DCC: variants seen among roughly 807,000 people sequenced by gnomAD.
DCC encodes netrin receptor DCC.
DCC carries 58 observed loss-of-function variants against 172.5 expected under a neutral mutation model. The observed-to-expected ratio is 0.34, with a 90% confidence interval of 0.27 to 0.42. The LOEUF (loss-of-function observed/expected upper bound fraction) is 0.42, where lower values mean the gene tolerates loss of function less well. Ranked by LOEUF, DCC falls within the 10% of genes least tolerant of loss-of-function variation. The pLI is 1.00. For synonymous variants in DCC, 709 were observed against 644.5 expected (o/e 1.10, Z -1.52); for missense variants, 1,740 against 1,791.0 (o/e 0.97, Z 0.51).
chr18:52,810,481 G>A lies in DCC; in HGVS notation c.412+58107G>A, dbSNP rs2038174971. On this transcript the variant is annotated intron_variant, in intron 2 of 28. Coordinates refer to ENST00000442544, the MANE Select transcript of DCC (RefSeq NM_005215.4). ...GAACAATAAGGATGTGCTGTATATT[G>A]AACGGTGAGGAGGGCAAAGAAGAAT... Among the ~76,000 whole-genome samples the A allele has an allele frequency of 2.0e-5, 3 of 152,302 alleles. No homozygotes were observed. The East Asian group carries it at 5.8e-4, about 29-fold the overall frequency.
At chr18:52,491,206 T>C (rs1475727066) in intron 1 of DCC, among the ~76,000 whole-genome samples, 1 of 152,076 alleles carries the variant, frequency 6.6e-6, no homozygotes, top group Non-Finnish European at 1.5e-5. Context: ...ACACCTGCAA[T>C]ATGTTGTATG....
intron 1 of DCC, among the ~76,000 whole-genome samples, chr18:52,394,478 C>A (rs1169588503): frequency 6.6e-6 from 1 of 151,240 alleles, no homozygotes; most frequent in Non-Finnish European, 1.5e-5. Flanking sequence ...GGTCTTGCTA[C>A]AGTGCCTGGC....
chr18:52,422,981 G>T (rs928535211), intron 1 of DCC, among the ~76,000 whole-genome samples: 5 of 152,124 alleles, frequency 3.3e-5, no homozygotes, highest in Non-Finnish European at 7.4e-5. Flanking sequence ...GACAGAATTG[G>T]ATTAGCCACT....
intron 1 of DCC, among the ~76,000 whole-genome samples, chr18:52,706,279 G>T (rs1377526786): frequency 6.6e-6 from 1 of 152,200 alleles, no homozygotes; most frequent in Admixed American, 6.5e-5. Flanking sequence ...TTCTGGGTCA[G>T]TCCCTATAGC....
chr18:53,470,719 G>A (rs2045684940), intron 25 of DCC, among the ~76,000 whole-genome samples: 1 of 151,780 alleles, frequency 6.6e-6, no homozygotes, highest in Non-Finnish European at 1.5e-5. Flanking sequence ...AAGCCAGCAG[G>A]AAAGAGAGAG....
At chr18:52,531,393 T>TAA (rs1381313346) in intron 1 of DCC, among the ~76,000 whole-genome samples, 6 of 152,192 alleles carry the variant, frequency 3.9e-5, no homozygotes, top group Non-Finnish European at 8.8e-5. Flanking sequence ...TGCCAAAACT[T>TAA]AGTTAACACC....
intron 5 of DCC, among the ~76,000 whole-genome samples, chr18:53,053,839 T>G (rs1171767392): frequency 6.6e-6 from 1 of 152,106 alleles, no homozygotes; most frequent in Non-Finnish European, 1.5e-5. Context: ...CTTAACATGG[T>G]CTCATTTAGT....
intron 1 of DCC, among the ~76,000 whole-genome samples, chr18:52,518,022 A>G (rs1386988071): frequency 6.6e-6 from 1 of 152,276 alleles, no homozygotes; most frequent in Non-Finnish European, 1.5e-5. Flanking sequence ...ACATTCTTAC[A>G]TTCTCCTCTA....
intron 5 of DCC, among the ~76,000 whole-genome samples, chr18:53,029,556 C>T (rs1486516718): frequency 4.6e-5 from 7 of 152,136 alleles, no homozygotes; most frequent in South Asian, 2.1e-4. Flanking sequence ...AAATTATCTA[C>T]TTCTATATTC....
intron 2 of DCC, among the ~76,000 whole-genome samples, chr18:52,773,840 A>G (rs891491989): frequency 6.6e-6 from 1 of 152,018 alleles, no homozygotes; most frequent in Non-Finnish European, 1.5e-5. Flanking sequence ...ATATATATAT[A>G]TATTTTTTAA....
At chr18:53,017,698 A>T (rs1420918028) in intron 5 of DCC, among the ~76,000 whole-genome samples, 1 of 152,172 alleles carries the variant, frequency 6.6e-6, no homozygotes, top group African/African-American at 2.4e-5. Flanking sequence ...ATGCTCATAG[A>T]TGTAATTTTC....
chr18:52,466,131 G>A (rs1988777406), intron 1 of DCC, among the ~76,000 whole-genome samples: 1 of 152,020 alleles, frequency 6.6e-6, no homozygotes, highest in Non-Finnish European at 1.5e-5. Flanking sequence ...CGTTTGAGAA[G>A]GCAGATGTGT....
chr18:52,706,104 ACT>A (rs967875005), intron 1 of DCC, among the ~76,000 whole-genome samples: 5 of 152,100 alleles, frequency 3.3e-5, no homozygotes, highest in African/African-American at 4.8e-5. Context: ...AGCAGATGAG[ACT>A]CTGTGTTATT....
intron 2 of DCC, among the ~76,000 whole-genome samples, chr18:52,806,633 G>A (rs982509496): frequency 6.6e-6 from 1 of 152,166 alleles, no homozygotes; most frequent in African/African-American, 2.4e-5. Context: ...AGAAAGGAGA[G>A]GAATATTTGT....
chr18:53,297,555 G>A (rs1203866758), intron 12 of DCC, among the ~76,000 whole-genome samples: 1 of 152,170 alleles, frequency 6.6e-6, no homozygotes, highest in Non-Finnish European at 1.5e-5. Flanking sequence ...AAGGTCATGT[G>A]TTAAGTACTT....
intron 15 of DCC, among the ~76,000 whole-genome samples, chr18:53,344,205 A>G (rs1008671975): frequency 2.0e-5 from 3 of 152,030 alleles, no homozygotes; most frequent in African/African-American, 7.2e-5. Flanking sequence ...TTATTGACAT[A>G]TGAACTTTAT....
chr18:52,350,155 A>T (rs1356110902), intron 1 of DCC, among the ~76,000 whole-genome samples: 1 of 152,230 alleles, frequency 6.6e-6, no homozygotes, highest in Non-Finnish European at 1.5e-5. Context: ...GATTACAAAT[A>T]GATGAATAAA....
chr18:53,160,064 T>C (rs1242460902), intron 8 of DCC, among the ~76,000 whole-genome samples: 1 of 152,064 alleles, frequency 6.6e-6, no homozygotes, highest in Non-Finnish European at 1.5e-5. Context: ...ATTGTTGAAA[T>C]TGCTATGTTT....
At chr18:52,407,478 T>G (rs1276324869) in intron 1 of DCC, among the ~76,000 whole-genome samples, 5 of 152,064 alleles carry the variant, frequency 3.3e-5, no homozygotes, top group Non-Finnish European at 1.5e-5. Flanking sequence ...TCCAATTACT[T>G]CCTTGATATT....
Sources: allele counts gnomAD v4.1 joint callset (sites outside exome capture counted in the v4.1 genomes callset), GRCh38; gene constraint gnomAD v4.1.1; transcripts MANE v1.5; gene names NCBI Gene and HGNC (gene_info 2026-07-23, HGNC 2026-07-21).